Variants in GLIS3 observed in about 807,000 individuals in gnomAD.
The protein encoded by GLIS3 is GLIS family zinc finger 3.
In GLIS3, 53 loss-of-function variants were observed where a neutral mutation model predicts 78.6. That is an observed-to-expected ratio of 0.67 (90% CI 0.54 to 0.85). The LOEUF (loss-of-function observed/expected upper bound fraction) is 0.85, where lower values mean the gene tolerates loss of function less well. Among genes scored for constraint, GLIS3 ranks in the 40% least tolerant of loss-of-function variants. The pLI, the probability that GLIS3 is intolerant of heterozygous loss-of-function variation, is 0.00. For missense variants in GLIS3, 1,703 were observed against 1,231.1 expected, an observed-to-expected ratio of 1.38 and a Z score of -5.74; for synonymous variants, 684 against 509.9, an observed-to-expected ratio of 1.34 and a Z score of -4.60.
chr9:4,189,036 T>C (rs534713807), intron 2 of GLIS3, among the ~76,000 whole-genome samples: 1 of 152,296 alleles, frequency 6.6e-6, no homozygotes, highest in African/African-American at 2.4e-5. Context: ...TGCCTTCTGC[T>C]AGCTTTTGGA....
chr9:4,063,287 A>G (rs1826810006), intron 4 of GLIS3, among the ~76,000 whole-genome samples: 1 of 152,210 alleles, frequency 6.6e-6, no homozygotes, highest in African/African-American at 2.4e-5. Flanking sequence ...AATATGATGG[A>G]TAACTCAATA....
chr9:4,302,272 G>C (rs1489737162), upstream of GLIS3, among the ~76,000 whole-genome samples: 1 of 152,154 alleles, frequency 6.6e-6, no homozygotes, highest in Non-Finnish European at 1.5e-5. Flanking sequence ...AGCCAGATAG[G>C]TGGGAACTGC....
At chr9:4,210,070 G>C (rs1366309942) in intron 2 of GLIS3, among the ~76,000 whole-genome samples, 1 of 152,170 alleles carries the variant, frequency 6.6e-6, no homozygotes, top group Non-Finnish European at 1.5e-5. Context: ...CTGGTATAAT[G>C]CCTGGCACAT....
At chr9:4,052,653 G>A (rs916025980) in intron 4 of GLIS3, among the ~76,000 whole-genome samples, 5 of 152,128 alleles carry the variant, frequency 3.3e-5, no homozygotes, top group African/African-American at 1.2e-4. Context: ...CAATGTTGCA[G>A]CATGTATCAG....
At chr9:3,922,669 G>C (rs557586347) in intron 6 of GLIS3, among the ~76,000 whole-genome samples, 1 of 152,130 alleles carries the variant, frequency 6.6e-6, no homozygotes, top group Non-Finnish European at 1.5e-5. Context: ...GCTAGTCAGG[G>C]AATTCAAGGT....
chr9:4,264,014 C>T (rs1825761558), intron 2 of GLIS3, among the ~76,000 whole-genome samples: 1 of 152,164 alleles, frequency 6.6e-6, no homozygotes. Flanking sequence ...CTATCTCTAT[C>T]TCCCACTTCA....
chr9:4,101,736 T>C (rs1830387563), intron 4 of GLIS3, among the ~76,000 whole-genome samples: 2 of 152,182 alleles, frequency 1.3e-5, no homozygotes, highest in Admixed American at 1.3e-4. Context: ...TTGACATAGT[T>C]GTAGATCTCA....
chr9:4,298,381 T>C lies in GLIS3; in HGVS notation c.-99+1040A>G, dbSNP rs1444794607. ...CTTCCCCAAAGTTTCTCCCGCCAGG[T>C]ACCTAATTGAATCATCCATAGGATG... On this transcript the variant is annotated intron_variant, in intron 1 of 10. Coordinates refer to ENST00000381971, the MANE Select transcript of GLIS3 (RefSeq NM_001042413.2). 8 of 456,174 alleles carry C rather than the reference T, an allele frequency of 1.8e-5. No individual in the cohort carries two copies. In the Admixed American group the frequency reaches 1.9e-4, roughly 11 times the overall value. 28.3% of individuals were successfully genotyped at this position (456,174 alleles called of 1,614,324 possible). A position where few individuals can be genotyped will look rare whatever the true frequency, so the allele number is the denominator to read the frequency against.
intron 2 of GLIS3, among the ~76,000 whole-genome samples, chr9:4,150,334 T>TA (rs1430589013): frequency 2.0e-5 from 3 of 152,126 alleles, no homozygotes; most frequent in Non-Finnish European, 4.4e-5. Flanking sequence ...TACTAACCAA[T>TA]AAAAATATTC....
At chr9:4,455,530 T>C in the GLIS3 span, among the ~76,000 whole-genome samples, 1 of 152,146 alleles carries the variant, frequency 6.6e-6, no homozygotes, top group Non-Finnish European at 1.5e-5. Flanking sequence ...TTATCCTGGG[T>C]GGATCATATA....
the GLIS3 span, among the ~76,000 whole-genome samples, chr9:4,458,784 C>G: frequency 1.3e-5 from 2 of 151,984 alleles, no homozygotes; most frequent in Admixed American, 1.3e-4. Context: ...GGCAACAGAG[C>G]GAGACTTGAG....
intron 4 of GLIS3, among the ~76,000 whole-genome samples, chr9:4,045,931 C>T (rs1043935988): frequency 2.6e-5 from 4 of 152,188 alleles, no homozygotes; most frequent in East Asian, 3.9e-4. Flanking sequence ...ATATAGAGGT[C>T]GGTCACCTTG....
the GLIS3 span, among the ~76,000 whole-genome samples, chr9:4,453,240 A>G: frequency 6.6e-6 from 1 of 151,728 alleles, no homozygotes; most frequent in Admixed American, 6.6e-5. Context: ...ACCATTCAGG[A>G]CATAGGCATG....
intron 4 of GLIS3, among the ~76,000 whole-genome samples, chr9:4,025,646 A>G (rs752605669): frequency 1.3e-5 from 2 of 152,136 alleles, no homozygotes; most frequent in Non-Finnish European, 1.5e-5. Context: ...TCAGCCTCCC[A>G]AAATGCTGGG....
chr9:3,947,705 C>T (rs919356768), intron 4 of GLIS3, among the ~76,000 whole-genome samples: 22 of 152,220 alleles, frequency 1.4e-4, no homozygotes, highest in African/African-American at 5.3e-4. Flanking sequence ...TTTAATGGCT[C>T]TTGCTATTCC....
intron 4 of GLIS3, among the ~76,000 whole-genome samples, chr9:3,946,263 T>G (rs915821161): frequency 5.3e-5 from 8 of 152,248 alleles, no homozygotes; most frequent in African/African-American, 9.6e-5. Context: ...ATTAATACTT[T>G]TGTTGCCAGC....
chr9:4,142,626 G>C (rs1487188279), intron 2 of GLIS3, among the ~76,000 whole-genome samples: 2 of 152,128 alleles, frequency 1.3e-5, no homozygotes, highest in Non-Finnish European at 2.9e-5. Context: ...TACAAACCTT[G>C]AAACAAATCC....
intron 2 of GLIS3, among the ~76,000 whole-genome samples, chr9:4,184,574 T>C (rs751763170): frequency 6.6e-6 from 1 of 152,182 alleles, no homozygotes; most frequent in South Asian, 2.1e-4. Context: ...GCAATAAGCA[T>C]GATCAATGTG....
At chr9:3,967,031 A>AAAAAAG (rs1818001289) in intron 4 of GLIS3, among the ~76,000 whole-genome samples, 1 of 141,766 alleles carries the variant, frequency 7.1e-6, no homozygotes, top group African/African-American at 2.8e-5. Flanking sequence ...AAAAAAAAAA[A>AAAAAAG]AACAAAAAAA....
Sources: gnomAD v4.1 joint callset for allele counts (sites outside exome capture counted in the v4.1 genomes callset) on GRCh38, gnomAD v4.1.1 for gene constraint, MANE v1.5 for transcripts, NCBI Gene and HGNC (gene_info 2026-07-23, HGNC 2026-07-21) for gene names.